Variants in TNRC18 observed in about 807,000 individuals in gnomAD.
TNRC18 encodes trinucleotide repeat containing 18, also known as trinucleotide repeat-containing gene 18 protein.
TNRC18 carries 69 observed loss-of-function variants against 226.7 expected under a neutral mutation model. That is an observed-to-expected ratio of 0.30 (90% CI 0.25 to 0.37). The LOEUF (loss-of-function observed/expected upper bound fraction) is 0.37. TNRC18 is among the 10% of genes least tolerant of loss of function. TNRC18 has a pLI of 1.00. For missense variants in TNRC18, 4,754 were observed against 4,256.6 expected, an observed-to-expected ratio of 1.12 and a Z score of -3.25; for synonymous variants, 2,449 against 1,927.6, an observed-to-expected ratio of 1.27 and a Z score of -7.09.
At chr7:5,387,464 C>A (rs1253764883) in intron 5 of TNRC18, among the ~76,000 whole-genome samples, 1 of 152,190 alleles carries the variant, frequency 6.6e-6, no homozygotes, top group Non-Finnish European at 1.5e-5. Flanking sequence ...CACAAAACAT[C>A]GGAGAAGGAA....
At chr7:5,371,432 G>A (rs975609555) in intron 10 of TNRC18, 68 bp from the exon 11 acceptor site, 74 of 1,432,830 alleles carry the variant, frequency 5.2e-5, no homozygotes, top group Non-Finnish European at 6.2e-5. Context: ...ACTGACACCC[G>A]CCCACCACCC....
At chr7:5,391,190 C>G (rs1271357967) in intron 3 of TNRC18, among the ~76,000 whole-genome samples, 3 of 152,054 alleles carry the variant, frequency 2.0e-5, no homozygotes, top group Non-Finnish European at 2.9e-5. Context: ...GCTGCTGGGT[C>G]TCCCAGGCAG....
rs910965284 is a variant in TNRC18 at position 5,382,199 on chromosome 7, C to T, written c.2153-4175G>A. Reference sequence around the variant, plus strand: ...CCAAGTCACAAGACTAACATGGAGGCGTCATGGCTGTGATCAGCGTCCAAG... The same window carrying T: ...CCAAGTCACAAGACTAACATGGAGGTGTCATGGCTGTGATCAGCGTCCAAG... On this transcript the variant is annotated intron_variant, in intron 5 of 29. Coordinates refer to ENST00000430969, the MANE Select transcript of TNRC18 (RefSeq NM_001080495.3). Among the ~76,000 whole-genome samples, 5 of 152,098 alleles carry T rather than the reference C, an allele frequency of 3.3e-5. 1 individual carries two copies. Among genetic ancestry groups the T allele is most frequent in the South Asian group, 4.1e-4 (2 of 4,836 alleles).
Position 5,312,747 on chromosome 7 carries a change from T to G in TNRC18, c.8144A>C (p.His2715Pro). ...CGCGGGCGTCTTCTTGCCTGGGGAGTGGGCCGAGGGCCGCGCCTTGCCGGC... is the reference window on the plus strand; with the variant it reads ...CGCGGGCGTCTTCTTGCCTGGGGAGGGGGCCGAGGGCCGCGCCTTGCCGGC... ...KQAGKARPSA[H>P]SPGKKTPAPQ... Residue 2715 changes from histidine to proline, a missense_variant, in exon 27 of 30, where the codon CAC becomes CCC. Coordinates refer to ENST00000430969, the MANE Select transcript of TNRC18 (RefSeq NM_001080495.3). This position sits in a 1 kb window ranked among gnomAD's most constrained non-coding sequence, Gnocchi z 6.3. 6 of 1,540,166 alleles carry G rather than the reference T, an allele frequency of 3.9e-6. No individual in the cohort carries two copies. Among genetic ancestry groups the G allele is most frequent in the Non-Finnish European group, 5.2e-6 (6 of 1,149,106 alleles).
intron 3 of TNRC18, among the ~76,000 whole-genome samples, chr7:5,392,407 GAA>G (rs944789477): frequency 6.6e-5 from 10 of 152,020 alleles, no homozygotes; most frequent in Non-Finnish European, 1.5e-4. Flanking sequence ...AGGTTGCAGT[GAA>G]CCGAGATCAG....
At position 5,345,653 on chromosome 7, in the gene TNRC18, G is replaced by A; in HGVS notation, c.5628C>T (p.Leu1876=). 1 of 1,555,246 alleles carries A rather than the reference G, an allele frequency of 6.4e-7. No individual in the cohort carries two copies. Among genetic ancestry groups the A allele is most frequent in the South Asian group, 1.2e-5 (1 of 84,282 alleles). The change falls in exon 18 of 30, where the codon CTC becomes CTT. Residue 1876 remains leucine (L), a synonymous_variant. Coordinates refer to ENST00000430969, the MANE Select transcript of TNRC18 (RefSeq NM_001080495.3). ...GLLARFAASA[L]PSPTVGPSLS... Reference sequence around the variant, plus strand: ...GGGATGGACCCACCGTGGGGCTGGGGAGGGCGCTGGCGGCGAAGCGTGCCA... The same window carrying A: ...GGGATGGACCCACCGTGGGGCTGGGAAGGGCGCTGGCGGCGAAGCGTGCCA...
rs1047437243 is a variant in TNRC18, at chr7:5,362,040, G to C, written c.4396-7C>G. 5.0e-6 allele frequency: 8 copies of C among 1,611,666 alleles called. No homozygotes were observed. The highest frequency in any genetic ancestry group is 6.8e-6 in the Non-Finnish European group (8 of 1,178,860). On this transcript the variant is annotated splice_region_variant and splice_polypyrimidine_tract_variant and intron_variant, in intron 12 of 29. Transcript: ENST00000430969. ...AGGACTTCATGGCATACATCTGGGG[G>C]AAGAACCGGGAGAGGAGGAGGGGGT...
chr7:5,333,219 C>T (rs1175526196), intron 18 of TNRC18, among the ~76,000 whole-genome samples, 170 bp from the exon 19 acceptor site: 1 of 152,208 alleles, frequency 6.6e-6, no homozygotes, highest in African/African-American at 2.4e-5. Context: ...CTCATCGGGA[C>T]CACGCCTGTC....
In TNRC18 at chr7:5,374,066, G is replaced by A; in HGVS notation, c.3218C>T (p.Ala1073Val). ...CAGCTGCATCCTACCTGAGAACAGG[G>A]CCTGGAAGGGGCTGGGGGCTTCCTT... is the stretch of plus-strand genomic sequence containing the variant. ...LEKEAPSPFQ[A>V]LFSDIPPRYP... The change falls in exon 10 of 30, where the codon GCC (alanine) becomes GTC (valine). Residue 1073 changes from alanine to valine, a missense_variant. Transcript: ENST00000430969. 6.4e-7 allele frequency: 1 copy of A among 1,571,352 alleles called. No homozygotes were observed. Among genetic ancestry groups the A allele is most frequent in the South Asian group, 1.2e-5 (1 of 86,074 alleles).
intron 3 of TNRC18, among the ~76,000 whole-genome samples, chr7:5,392,784 G>A (rs922139691): frequency 2.6e-5 from 4 of 152,148 alleles, no homozygotes; most frequent in African/African-American, 7.2e-5. Flanking sequence ...AAGGTGGGAC[G>A]ATCGCTTGAG....
At chr7:5,383,957 A>ATTTTTTTTTTTTTTT (rs765430615) in intron 5 of TNRC18, among the ~76,000 whole-genome samples, 2 of 78,802 alleles carry the variant, frequency 2.5e-5, no homozygotes, top group African/African-American at 5.3e-5. Context: ...TACCCGGGTG[A>ATTTTTTTTTTTTTTT]TTTTTTTTTT....
rs1244664822 is a variant in TNRC18, at chr7:5,377,082, G to A, written c.2462-89C>T. The A allele has an allele frequency of 4.7e-6, 7 of 1,497,940 alleles. No homozygotes were observed. The highest frequency in any genetic ancestry group is 6.2e-6 in the Non-Finnish European group (7 of 1,121,638). 92.8% of individuals were successfully genotyped at this position (1,497,940 alleles called of 1,614,324 possible). On this transcript the variant is annotated intron_variant, in intron 7 of 29. Transcript: ENST00000430969. The surrounding 1 kb of genome is among the most constrained non-coding windows in gnomAD (Gnocchi z 5.8). Reference sequence around the variant, plus strand: ...GCCCCAGCCCAGCACCACCTCCCAAGTCCTGAACCTCCTGGGGCCTCCAGT... The same window carrying A: ...GCCCCAGCCCAGCACCACCTCCCAAATCCTGAACCTCCTGGGGCCTCCAGT...
At chr7:5,322,586 C>T (rs1241746255) in intron 21 of TNRC18, among the ~76,000 whole-genome samples, 1 of 152,222 alleles carries the variant, frequency 6.6e-6, no homozygotes, top group Non-Finnish European at 1.5e-5. Flanking sequence ...GTGACCACAC[C>T]CCACCTACCT....
chr7:5,320,213 C>A, intron 24 of TNRC18, 105 bp downstream of exon 24: 1 of 870,146 alleles, frequency 1.1e-6, no homozygotes, highest in Non-Finnish European at 1.8e-6. Flanking sequence ...TATGTGAGCC[C>A]ACAAGTCTTT....
intron 19 of TNRC18, 28 bp from the exon 20 acceptor site, chr7:5,325,276 C>T: frequency 6.5e-7 from 1 of 1,542,082 alleles, no homozygotes; most frequent in Non-Finnish European, 8.7e-7. Flanking sequence ...AGAGAGGAGC[C>T]ATCAAACGGC....
chr7:5,383,411 TGA>T (rs1409074071), intron 5 of TNRC18, among the ~76,000 whole-genome samples: 1 of 152,130 alleles, frequency 6.6e-6, no homozygotes, highest in African/African-American at 2.4e-5. Flanking sequence ...TATGAGCAGA[TGA>T]GAGAGAGGCG....
chr7:5,346,395 G>A (rs1225056840), intron 17 of TNRC18, among the ~76,000 whole-genome samples: 2 of 152,198 alleles, frequency 1.3e-5, no homozygotes, highest in African/African-American at 4.8e-5. Flanking sequence ...GGAGTCTAGA[G>A]TCGACTCCTG....
rs778499523 is a variant in TNRC18, at chr7:5,388,191, A to C, written c.1633T>G (p.Ser545Ala). The change falls in exon 5 of 30, where the codon TCC (serine) becomes GCC (alanine). Residue 545 changes from serine (S) to alanine (A), a missense_variant. By Grantham distance (99) the Ser-to-Ala change is moderately conservative. Coordinates refer to ENST00000430969, the MANE Select transcript of TNRC18 (RefSeq NM_001080495.3). ...AEEEAAVVAA[S>A]SSKKAYLDPG... ...TCCAGGTAGGCCTTCTTGGAGGAGG[A>C]GGCAGCGACCACGGCGGCCTCCTCT... 8.2e-6 allele frequency: 13 copies of C among 1,589,308 alleles called. No homozygotes were observed. Among genetic ancestry groups the C allele is most frequent in the Admixed American group, 3.5e-5 (2 of 56,750 alleles).
chr7:5,325,175 G>T lies in TNRC18; in HGVS notation c.6221C>A (p.Ala2074Asp). 2 of 1,553,544 alleles carry T rather than the reference G, an allele frequency of 1.3e-6. No individual in the cohort carries two copies. Among genetic ancestry groups the T allele is most frequent in the Non-Finnish European group, 1.7e-6 (2 of 1,148,872 alleles). The change falls in exon 20 of 30, where the codon GCC becomes GAC. Residue 2074 changes from alanine (A) to aspartate (D), a missense_variant. Ala to Asp is a moderately radical substitution (Grantham distance 126). Coordinates refer to ENST00000430969, the MANE Select transcript of TNRC18 (RefSeq NM_001080495.3). ...CAGGGAGCTGGCGTGAGGAGCCCTG[G>T]CCTCAGAGGGCAAGGCAGGAGCTCG... ...PPRAPALPSE[A>D]RAPHASSLTA...
Sources: allele counts gnomAD v4.1 joint callset (sites outside exome capture counted in the v4.1 genomes callset), GRCh38; gene constraint gnomAD v4.1.1; non-coding constraint Gnocchi (gnomAD v3.1); transcripts MANE v1.5; gene names NCBI Gene and HGNC (gene_info 2026-07-23, HGNC 2026-07-21).